SLC8A1: variants seen among roughly 807,000 people sequenced by gnomAD.
The protein encoded by SLC8A1 is solute carrier family 8 member A1.
SLC8A1 carries 18 observed loss-of-function variants against 68.3 expected under a neutral mutation model. That is an observed-to-expected ratio of 0.26 (90% CI 0.18 to 0.39). The LOEUF is 0.39. SLC8A1 is among the 10% of genes least tolerant of loss of function. The probability of loss-of-function intolerance (pLI) is 1.00; values close to 1 mark genes in which losing one functional copy is unlikely to be tolerated. For synonymous variants in SLC8A1, 475 were observed against 415.5 expected, an observed-to-expected ratio of 1.14 and a Z score of -1.74; for missense variants, 985 against 1,156.7, an observed-to-expected ratio of 0.85 and a Z score of 2.15.
chr2:40,223,314 A>G (rs530048), intron 2 of SLC8A1, among the ~76,000 whole-genome samples: 112,834 of 151,828 alleles, frequency 0.74, 42,605 homozygotes, highest in Middle Eastern at 0.85. Context: ...GGAGTTGAAC[A>G]ATGAGAACAC....
chr2:40,334,508 T>C (rs952085758), intron 2 of SLC8A1, among the ~76,000 whole-genome samples: 7 of 152,200 alleles, frequency 4.6e-5, no homozygotes, highest in Admixed American at 3.9e-4. Flanking sequence ...TATATGTGCA[T>C]TAAAATTCTT....
At chr2:40,353,755 T>A (rs897993378) in intron 2 of SLC8A1, among the ~76,000 whole-genome samples, 4 of 152,202 alleles carry the variant, frequency 2.6e-5, no homozygotes, top group Admixed American at 6.5e-5. Flanking sequence ...GAAACTTGTG[T>A]CCCATTTTCA....
chr2:40,245,159 C>A (rs1053299386), intron 2 of SLC8A1, among the ~76,000 whole-genome samples: 1 of 127,090 alleles, frequency 7.9e-6, no homozygotes, highest in Non-Finnish European at 1.6e-5. Context: ...GAATCATTCC[C>A]ACTCCAGTGG....
chr2:40,438,024 G>T (rs1559687429), intron 1 of SLC8A1, among the ~76,000 whole-genome samples: 2 of 152,070 alleles, frequency 1.3e-5, no homozygotes, highest in Non-Finnish European at 2.9e-5. Context: ...GGACTACCTA[G>T]TCCCCAGGTT....
chr2:40,401,721 C>G (rs1688811398), intron 2 of SLC8A1, among the ~76,000 whole-genome samples: 1 of 151,310 alleles, frequency 6.6e-6, no homozygotes, highest in African/African-American at 2.4e-5. Context: ...ATTTTGCTAA[C>G]TGAATACTAT....
chr2:40,390,295 T>C (rs966281387), intron 2 of SLC8A1, among the ~76,000 whole-genome samples: 2 of 152,080 alleles, frequency 1.3e-5, no homozygotes, highest in Non-Finnish European at 2.9e-5. Flanking sequence ...TGGAATCATA[T>C]AATTATTTAC....
intron 2 of SLC8A1, among the ~76,000 whole-genome samples, chr2:40,258,363 C>G (rs1000447730): frequency 6.6e-6 from 1 of 152,146 alleles, no homozygotes; most frequent in Non-Finnish European, 1.5e-5. Flanking sequence ...TACCTTCAGA[C>G]GTCAAAATGA....
At chr2:40,101,005 G>A (rs1379830729) in exon 8 of SLC8A1, 1 of 152,074 alleles carries the variant, frequency 6.6e-6, no homozygotes, top group African/African-American at 2.4e-5. Context: ...AAATGCATAT[G>A]AGTATTTTAA....
At chr2:40,506,010 T>G (rs2149941753) in intron 1 of SLC8A1, among the ~76,000 whole-genome samples, 1 of 152,088 alleles carries the variant, frequency 6.6e-6, no homozygotes, top group East Asian at 1.9e-4. Flanking sequence ...TGCGCTCAGA[T>G]TACCTTCTGC....
chr2:40,322,849 CACCA>C (rs1299775203), intron 2 of SLC8A1, among the ~76,000 whole-genome samples: 1 of 150,346 alleles, frequency 6.7e-6, no homozygotes, highest in Non-Finnish European at 1.5e-5. Flanking sequence ...CACACACACA[CACCA>C]CACACACCCC....
intron 1 of SLC8A1, among the ~76,000 whole-genome samples, chr2:40,480,714 G>A (rs569752668): frequency 1.3e-5 from 2 of 152,206 alleles, no homozygotes; most frequent in East Asian, 3.9e-4. Flanking sequence ...AGTTGTGCTG[G>A]GCATGTCAAG....
chr2:40,235,242 G>A (rs1411654564), intron 2 of SLC8A1, among the ~76,000 whole-genome samples: 1 of 152,094 alleles, frequency 6.6e-6, no homozygotes, highest in Non-Finnish European at 1.5e-5. Context: ...ACTCTTTTTG[G>A]TTGGTAAGCT....
intron 2 of SLC8A1, among the ~76,000 whole-genome samples, chr2:40,425,936 T>C (rs867412245): frequency 1.7e-4 from 26 of 152,022 alleles, no homozygotes; most frequent in African/African-American, 5.8e-4. Context: ...TGTATGTTCA[T>C]TGCAGCACTA....
intron 2 of SLC8A1, among the ~76,000 whole-genome samples, chr2:40,333,876 C>G (rs2076697647): frequency 6.6e-6 from 1 of 152,044 alleles, no homozygotes; most frequent in African/African-American, 2.4e-5. Context: ...TGGTGAAACC[C>G]TGTTTGTACT....
In SLC8A1 at chr2:40,326,559, C is replaced by T. The variant is rs577736663; in HGVS notation, c.1808+101914G>A. 2.0e-5 allele frequency among the ~76,000 whole-genome samples: 3 copies of T among 152,260 alleles called. No individual in the cohort carries two copies. The South Asian group carries it at 6.2e-4, about 32-fold the overall frequency. ...ACAGCCCACTCATTTTGCTTCCCCA[C>T]CTTCCTTCTTAACTATCCTCTTCCT... On this transcript the variant is annotated intron_variant, in intron 2 of 7. Transcript: ENST00000406785.
chr2:40,292,675 T>G (rs989712332), intron 2 of SLC8A1, among the ~76,000 whole-genome samples: 2 of 152,210 alleles, frequency 1.3e-5, no homozygotes, highest in African/African-American at 4.8e-5. Flanking sequence ...TTCTGTCAAC[T>G]GACTTCAGAA....
At position 40,436,358 on chromosome 2, in the gene SLC8A1, T is replaced by A. The variant is rs74699712; in HGVS notation, c.-24-6054A>T. Among the ~76,000 whole-genome samples the A allele has an allele frequency of 3.1e-3, 473 of 152,300 alleles. 2 individuals are homozygous for A. The highest frequency in any genetic ancestry group is 0.011 in the African/African-American group (453 of 41,586). Reference sequence around the variant, plus strand: ...GCATTTGCAGTTAAAAAATGTTGTCTGTGTGAAATGGTTGCACCCTAACAT... The same window carrying A: ...GCATTTGCAGTTAAAAAATGTTGTCAGTGTGAAATGGTTGCACCCTAACAT... On this transcript the variant is annotated intron_variant, in intron 1 of 7. Transcript: ENST00000406785.
At chr2:40,364,721 C>A (rs966035683) in intron 2 of SLC8A1, among the ~76,000 whole-genome samples, 1 of 152,020 alleles carries the variant, frequency 6.6e-6, no homozygotes, top group African/African-American at 2.4e-5. Context: ...GCCTTTCTTT[C>A]CCTCTGCTCA....
chr2:40,217,532 CTGT>C (rs1041980965), intron 2 of SLC8A1, among the ~76,000 whole-genome samples: 3 of 152,082 alleles, frequency 2.0e-5, no homozygotes, highest in African/African-American at 7.2e-5. Flanking sequence ...GGTTTTCTTT[CTGT>C]TGTTGTTGTG....
Sources: allele counts gnomAD v4.1 joint callset (sites outside exome capture counted in the v4.1 genomes callset), GRCh38; gene constraint gnomAD v4.1.1; transcripts MANE v1.5; gene names NCBI Gene and HGNC (gene_info 2026-07-23, HGNC 2026-07-21).